Variants in SACS observed in about 807,000 individuals in gnomAD.
SACS encodes the protein sacsin.
Under a neutral mutation model 348.0 loss-of-function variants are expected in SACS, and 197 were observed. That is an observed-to-expected ratio of 0.57 (90% confidence interval 0.50 to 0.64). The LOEUF (loss-of-function observed/expected upper bound fraction) is 0.64. Among genes scored for constraint, SACS ranks in the 30% least tolerant of loss-of-function variants. The pLI, the probability that SACS is intolerant of heterozygous loss-of-function variation, is 0.00. For missense variants in SACS, 4,999 were observed against 5,360.8 expected (o/e 0.93, Z 2.11); for synonymous variants, 1,985 against 1,910.6 (o/e 1.04, Z -1.02).
intron 6 of SACS, among the ~76,000 whole-genome samples, chr13:23,362,234 T>G (rs139503798): frequency 3.9e-5 from 6 of 152,318 alleles, no homozygotes; most frequent in African/African-American, 1.4e-4. Context: ...AGAGGGACTC[T>G]CCGTGCTTCC....
chr13:23,329,540 T>C lies in SACS; in HGVS notation c.*596A>G. Reference sequence around the variant, plus strand: ...AAATAAAGATGTAAAGTGCACTCAGTGCACTCTAAAAAGTACTACCTTCAC... The same window carrying C: ...AAATAAAGATGTAAAGTGCACTCAGCGCACTCTAAAAAGTACTACCTTCAC... On this transcript the variant is annotated 3_prime_UTR_variant, in exon 10 of 10. Transcript: ENST00000382292. The C allele has an allele frequency of 1.5e-6, 1 of 671,890 alleles. No individual in the cohort carries two copies. The highest frequency in any genetic ancestry group is 1.7e-5 in the South Asian group (1 of 57,278). The allele number at this position is 671,890 out of a possible 1,614,324, so 41.6% of individuals were successfully genotyped here.
chr13:23,348,498 TATAAAA>T (rs913449539), intron 9 of SACS, among the ~76,000 whole-genome samples: 10 of 152,164 alleles, frequency 6.6e-5, no homozygotes, highest in African/African-American at 2.4e-4. Context: ...ACCTTGGAAA[TATAAAA>T]ATAAAGATTG....
chr13:23,350,812 G>A (rs1869905012), intron 9 of SACS, among the ~76,000 whole-genome samples: 1 of 152,098 alleles, frequency 6.6e-6, no homozygotes, highest in African/African-American at 2.4e-5. Context: ...CCCCCAATAG[G>A]CCCCATACCA....
At position 23,330,608 on chromosome 13, in the gene SACS, G is replaced by A; in HGVS notation, c.13268C>T (p.Ser4423Leu). ...CCTTTGAGAGTAAGTCTGTCCGGCT[G>A]AAGGGGGGCATTTTTCTTTGTTCTG... ...QQQNKEKCPP[S>L]AGQTYSQRFF... is the part of the protein sequence containing the mutation. The change falls in exon 10 of 10, where the codon TCA (serine) becomes TTA (leucine). Residue 4423 changes from serine (S) to leucine (L), a missense_variant. Ser to Leu is a moderately radical substitution (Grantham distance 145, BLOSUM62 -2). Around this residue, in one of 6 missense-constraint regions of SACS, gnomAD observed 254 missense variants for 275.1 expected, o/e 0.92. Coordinates refer to ENST00000382292, the MANE Select transcript of SACS (RefSeq NM_014363.6). 2 of 1,613,888 alleles carry A rather than the reference G, an allele frequency of 1.2e-6. No individual in the cohort carries two copies. Among genetic ancestry groups the A allele is most frequent in the Non-Finnish European group, 1.7e-6 (2 of 1,179,988 alleles).
chr13:23,355,284 T>C lies in SACS; in HGVS notation c.1328A>G (p.Lys443Arg). The change falls in exon 8 of 10, where the codon AAA becomes AGA. Residue 443 changes from lysine (K) to arginine (R), a missense_variant. Around this residue, in one of 6 missense-constraint regions of SACS, gnomAD observed 3,156 missense variants for 3,380.1 expected, o/e 0.93. Coordinates refer to ENST00000382292, the MANE Select transcript of SACS (RefSeq NM_014363.6). Reference sequence around the variant, plus strand: ...TGGTAAAGGAAGGAAACAAAATGCTTTTCCTGAGAAATCAGACGTTGCTCC... The same window carrying C: ...TGGTAAAGGAAGGAAACAAAATGCTCTTCCTGAGAAATCAGACGTTGCTCC... ...AKGATSDFSG[K>R]AFCFLPLPPG... 6.2e-7 allele frequency: 1 copy of C among 1,614,150 alleles called. No individual in the cohort carries two copies. Among genetic ancestry groups the C allele is most frequent in the South Asian group, 1.1e-5 (1 of 91,072 alleles).
At position 23,339,265 on chromosome 13, in the gene SACS, G is replaced by A. The variant is rs759173138; in HGVS notation, c.4611C>T (p.Asn1537=). Residue 1537 remains asparagine (N), a synonymous_variant, in exon 10 of 10, where the codon AAC becomes AAT. Transcript: ENST00000382292. ...NSQFSDSDFV[N]ITRLGESLKR... is the part of the protein sequence containing the mutation. Reference sequence around the variant, plus strand: ...TTAAAGATTCTCCTAACCTAGTTATGTTCACAAAATCTGAATCTGAGAATT... The same window carrying A: ...TTAAAGATTCTCCTAACCTAGTTATATTCACAAAATCTGAATCTGAGAATT... The A allele has an allele frequency of 1.2e-5, 19 of 1,603,074 alleles. No homozygotes were observed. The highest frequency in any genetic ancestry group is 7.9e-5 in the South Asian group (7 of 88,416).
intron 5 of SACS, among the ~76,000 whole-genome samples, chr13:23,366,026 C>T (rs1415816119): frequency 6.6e-6 from 1 of 152,090 alleles, no homozygotes; most frequent in African/African-American, 2.4e-5. Flanking sequence ...CGCTGGGCTC[C>T]GTTCAGTTTG....
chr13:23,332,957 A>G lies in SACS; in HGVS notation c.10919T>C (p.Leu3640Ser). 1.2e-6 allele frequency: 2 copies of G among 1,613,964 alleles called. No homozygotes were observed. The highest frequency in any genetic ancestry group is 1.7e-6 in the Non-Finnish European group (2 of 1,179,914). The change falls in exon 10 of 10, where the codon TTA becomes TCA. Residue 3640 changes from leucine (L) to serine (S), a missense_variant. Around this residue, in one of 6 missense-constraint regions of SACS, gnomAD observed 831 missense variants for 941.8 expected, o/e 0.88. Coordinates refer to ENST00000382292, the MANE Select transcript of SACS (RefSeq NM_014363.6). ...TAGTTCTTTCAGAAAATTTCCAGAT[A>G]ACAAATCCATTCGTTCTTGGAATAT... ...HHIFQERMDL[L>S]SGNFLKELSL...
chr13:23,364,783 G>A (rs1170960339), intron 6 of SACS, among the ~76,000 whole-genome samples: 3 of 151,944 alleles, frequency 2.0e-5, no homozygotes, highest in Non-Finnish European at 1.5e-5. Context: ...AAACAATGTC[G>A]AGGGTACTCC....
At chr13:23,402,244 C>A (rs1389093276) in intron 2 of SACS, among the ~76,000 whole-genome samples, 1 of 150,620 alleles carries the variant, frequency 6.6e-6, no homozygotes, top group African/African-American at 2.4e-5. Flanking sequence ...AAATTGCTAA[C>A]CTTAGATCAA....
rs376188585 is a variant in SACS at position 23,332,627 on chromosome 13, T to C, written c.11249A>G (p.Asn3750Ser). The C allele has an allele frequency of 4.8e-5, 78 of 1,613,530 alleles. No individual in the cohort carries two copies. Among genetic ancestry groups the C allele is most frequent in the Admixed American group, 6.7e-5 (4 of 59,998 alleles). ...NLDPPLDKVI[N>S]NCRNICNITT... The stretch of plus-strand genomic sequence containing the variant: ...TATGTTGCATATGTTTCTGCAGTTA[T>C]TGATTACCTTATCAAGAGGAGGATC... Residue 3750 changes from asparagine (N) to serine (S), a missense_variant, in exon 10 of 10, where the codon AAT becomes AGT. This residue lies in a region of SACS where 831 missense variants were observed against 941.8 expected (regional missense o/e 0.88). Coordinates refer to ENST00000382292, the MANE Select transcript of SACS (RefSeq NM_014363.6).
rs1042810858 is a variant in SACS, at chr13:23,407,496, G to A, written c.20+3724C>T. Among the ~76,000 whole-genome samples, 3 of 152,330 alleles carry A rather than the reference G, an allele frequency of 2.0e-5. No homozygotes were observed. In the East Asian group the frequency reaches 5.8e-4, roughly 29 times the overall value. On this transcript the variant is annotated intron_variant, in intron 2 of 9. Transcript: ENST00000382292. ...TTACAGGCGTGAGCCACCACGCCCG[G>A]CCTGTTTTTCTTTTTGTTTTTCATA... is the stretch of plus-strand genomic sequence containing the variant.
At chr13:23,411,790 T>C (rs1299282455) in intron 1 of SACS, 50 bp from the exon 2 acceptor site, 1 of 155,890 alleles carries the variant, frequency 6.4e-6, no homozygotes, top group African/African-American at 2.4e-5. Context: ...GAAAAGCACT[T>C]GAAGTCAATG....
chr13:23,359,819 T>C (rs939636077), intron 6 of SACS, among the ~76,000 whole-genome samples: 3 of 151,988 alleles, frequency 2.0e-5, no homozygotes, highest in African/African-American at 7.3e-5. Flanking sequence ...CCACATGAGG[T>C]ATATAGGGCA....
chr13:23,415,145 C>T (rs546928642), intron 1 of SACS, among the ~76,000 whole-genome samples: 2 of 152,290 alleles, frequency 1.3e-5, no homozygotes, highest in East Asian at 1.9e-4. Context: ...AATTCTCCTA[C>T]CTCAGCCTCC....
intron 2 of SACS, among the ~76,000 whole-genome samples, chr13:23,389,247 A>G (rs916996127): frequency 1.3e-5 from 2 of 152,126 alleles, no homozygotes; most frequent in Non-Finnish European, 2.9e-5. Context: ...AGTTACAGGA[A>G]GGCTTTAAAT....
In SACS at chr13:23,334,386, G is replaced by A. The variant is rs749700608; in HGVS notation, c.9490C>T (p.Gln3164Ter). The A allele has an allele frequency of 6.2e-7, 1 of 1,613,068 alleles. No homozygotes were observed. Among genetic ancestry groups the A allele is most frequent in the Non-Finnish European group, 8.5e-7 (1 of 1,179,654 alleles). ...TTGGGTCGTTTTGCATCAAAAGTTT[G>A]CAAAACACTGTCCAGTGTGATGAGA... ...PLLITLDSVL[Q>*]TFDAKRPKFL... Residue 3164 changes from glutamine to a stop codon, truncating the protein, a stop_gained, in exon 10 of 10, where the codon CAA becomes TAA. Coordinates refer to ENST00000382292, the MANE Select transcript of SACS (RefSeq NM_014363.6). LOFTEE classifies it high-confidence loss of function.
chr13:23,419,498 T>C (rs1275088884), intron 1 of SACS, among the ~76,000 whole-genome samples: 1 of 151,454 alleles, frequency 6.6e-6, no homozygotes, highest in Non-Finnish European at 1.5e-5. Context: ...TTTCGCAATG[T>C]GGTTCCTAAT....
At position 23,335,569 on chromosome 13, in the gene SACS, G is replaced by T. The variant is rs1478809811; in HGVS notation, c.8307C>A (p.Ile2769=). 27 of 1,613,600 alleles carry T rather than the reference G, an allele frequency of 1.7e-5. No individual in the cohort carries two copies. Among genetic ancestry groups the T allele is most frequent in the Non-Finnish European group, 2.0e-5 (24 of 1,179,898 alleles). ...TCCTTTTCAATCTGTCTCCATCTGT[G>T]ATTTTGCCCTTTACTGAATACAGCA... The part of the protein sequence containing the change: ...LNVLYSVKGK[I]TDGDRLKRKQ... Residue 2769 remains isoleucine, a synonymous_variant, in exon 10 of 10, where the codon ATC becomes ATA. Coordinates refer to ENST00000382292, the MANE Select transcript of SACS (RefSeq NM_014363.6). The surrounding 1 kb of genome is among the most constrained non-coding windows in gnomAD (Gnocchi z 4.7).
Sources: allele counts gnomAD v4.1 joint callset (sites outside exome capture counted in the v4.1 genomes callset), GRCh38; gene constraint gnomAD v4.1.1; regional missense constraint gnomAD v4.1.1; non-coding constraint Gnocchi (gnomAD v3.1); transcripts MANE v1.5; gene names NCBI Gene and HGNC (gene_info 2026-07-23, HGNC 2026-07-21).